Variants in MAN2B1 observed in about 807,000 individuals in gnomAD.
MAN2B1 encodes the protein lysosomal alpha-mannosidase.
MAN2B1 carries 99 observed loss-of-function variants against 127.5 expected under a neutral mutation model. That is an observed-to-expected ratio of 0.78 (90% CI 0.66 to 0.92). The LOEUF is 0.92. Among genes scored for constraint, MAN2B1 ranks in the 40% least tolerant of loss-of-function variants. MAN2B1 has a pLI of 0.00. For missense variants in MAN2B1, 1,304 were observed against 1,384.8 expected (o/e 0.94, Z 0.93); for synonymous variants, 573 against 568.8 (o/e 1.01, Z -0.11).
chr19:12,652,514 CTT>C, intron 14 of MAN2B1, 54 bp from the exon 15 acceptor site: 1 of 1,166,590 alleles, frequency 8.6e-7, no homozygotes, highest in Non-Finnish European at 1.3e-6. Flanking sequence ...TGTGTGTTTT[CTT>C]TTTTTAATTT....
At chr19:12,663,490 G>T (rs775917208) in intron 5 of MAN2B1, 28 bp from the exon 6 acceptor site, 20 of 1,611,970 alleles carry the variant, frequency 1.2e-5, no homozygotes, top group Non-Finnish European at 1.6e-5. Context: ...TTCAAGGGGT[G>T]GCCCATCACC....
At position 12,658,423 on chromosome 19, in the gene MAN2B1, A is replaced by C. The variant is rs2024027111; in HGVS notation, c.1109+5T>G. The C allele has an allele frequency of 1.9e-6, 3 of 1,614,194 alleles. No individual in the cohort carries two copies. The African/African-American group carries it at 4.0e-5, about 22-fold the overall frequency. On this transcript the variant is annotated splice_donor_5th_base_variant and intron_variant, in intron 8 of 23. Transcript: ENST00000456935. ...CCCCCCAAGCTCCCCAGTTTCCCCA[A>C]ATACCAGGTGAGGTTGGCCTTGTTC...
chr19:12,661,246 G>A lies in MAN2B1; in HGVS notation c.1026+14C>T, dbSNP rs2024095463. The A allele has an allele frequency of 1.3e-6, 2 of 1,575,998 alleles. No individual in the cohort carries two copies. Among genetic ancestry groups the A allele is most frequent in the Non-Finnish European group, 1.7e-6 (2 of 1,145,510 alleles). On this transcript the variant is annotated intron_variant, in intron 7 of 23. Coordinates refer to ENST00000456935, the MANE Select transcript of MAN2B1 (RefSeq NM_000528.4). Reference sequence around the variant, plus strand: ...CACATGTGCACAAGGGTACCACAGGGTAGGCGCACTGACCTGCGCATTTAC... The same window carrying A: ...CACATGTGCACAAGGGTACCACAGGATAGGCGCACTGACCTGCGCATTTAC...
At chr19:12,652,088 C>T in intron 16 of MAN2B1, 65 bp downstream of exon 16, 3 of 1,269,620 alleles carry the variant, frequency 2.4e-6, no homozygotes, top group South Asian at 2.4e-5. Context: ...ACATGGCCCA[C>T]CACCCTCTTG....
chr19:12,665,730 T>G lies in MAN2B1; in HGVS notation c.235A>C (p.Lys79Gln). ...CCATAAAAGTACTGGTCCACGGTTTTGAGCCAGCCCACGTCATCATGTGTG... is the reference window on the plus strand; with the variant it reads ...CCATAAAAGTACTGGTCCACGGTTTGGAGCCAGCCCACGTCATCATGTGTG... ...PHTHDDVGWL[K>Q]TVDQYFYGIK... Residue 79 changes from lysine (K) to glutamine (Q), a missense_variant, in exon 2 of 24, where the codon AAA becomes CAA. Lys to Gln is a moderately conservative substitution (Grantham distance 53). Transcript: ENST00000456935. The G allele has an allele frequency of 6.2e-7, 1 of 1,614,182 alleles. No homozygotes were observed. The highest frequency in any genetic ancestry group is 8.5e-7 in the Non-Finnish European group (1 of 1,180,034).
At chr19:12,658,878 A>G (rs556376543) in intron 7 of MAN2B1, 21 of 342,656 alleles carry the variant, frequency 6.1e-5, no homozygotes, top group Middle Eastern at 2.1e-3. Flanking sequence ...TTTTTTTGGG[A>G]CGGAGTCTTA....
chr19:12,648,280 G>C lies in MAN2B1; in HGVS notation c.2559C>G (p.Ala853=), dbSNP rs1231981026. The change falls in exon 21 of 24, where the codon GCC becomes GCG. Residue 853 remains alanine (A), a synonymous_variant. Coordinates refer to ENST00000456935, the MANE Select transcript of MAN2B1 (RefSeq NM_000528.4). ...GCTCCGCCAGGAGCCGGTGTCCGGC[G>C]GCTGCAGCCTGGGCTGTGTCCAGCA... ...LVLLDTAQAA[A]AGHRLLAEQE... is the part of the protein sequence containing the mutation. 8 of 1,610,420 alleles carry C rather than the reference G, an allele frequency of 5.0e-6. No homozygotes were observed. Among genetic ancestry groups the C allele is most frequent in the South Asian group, 3.3e-5 (3 of 90,930 alleles).
At chr19:12,660,957 C>T (rs1599354560) in intron 7 of MAN2B1, 2 of 358,338 alleles carry the variant, frequency 5.6e-6, no homozygotes, top group East Asian at 7.1e-5. Context: ...CAGCGTTTCA[C>T]CATGTTGGTC....
chr19:12,648,430 G>A, intron 20 of MAN2B1, 28 bp from the exon 21 acceptor site: 1 of 1,572,370 alleles, frequency 6.4e-7, no homozygotes, highest in Non-Finnish European at 8.7e-7. Flanking sequence ...AGGAGGGGGT[G>A]AGAGTCGTGG....
chr19:12,651,823 C>G (rs556264701), intron 16 of MAN2B1, among the ~76,000 whole-genome samples: 1 of 152,296 alleles, frequency 6.6e-6, no homozygotes, highest in East Asian at 1.9e-4. Context: ...GTGAATTCTT[C>G]AAGCAGTGAT....
chr19:12,656,256 G>A (rs2023953356), intron 13 of MAN2B1: 1 of 460,398 alleles, frequency 2.2e-6, no homozygotes, highest in African/African-American at 2.0e-5. Context: ...GGACCAGCCA[G>A]GCACGGTGGC....
Position 12,663,689 on chromosome 19 carries a change from A to G in MAN2B1, c.763+14T>C. ...TGGCACCATGGCTGGCCCTGCCCTC[A>G]CCAAGCCCCCTACCAGTGAAGAGGT... On this transcript the variant is annotated intron_variant, in intron 5 of 23. Coordinates refer to ENST00000456935, the MANE Select transcript of MAN2B1 (RefSeq NM_000528.4). 1 of 1,603,318 alleles carries G rather than the reference A, an allele frequency of 6.2e-7. No individual in the cohort carries two copies. The highest frequency in any genetic ancestry group is 1.1e-5 in the South Asian group (1 of 90,168).
chr19:12,648,376 A>G lies in MAN2B1; in HGVS notation c.2463T>C (p.Asp821=). 6.2e-7 allele frequency: 1 copy of G among 1,613,132 alleles called. No individual in the cohort carries two copies. The highest frequency in any genetic ancestry group is 1.7e-5 in the Admixed American group (1 of 59,988). Residue 821 remains aspartate (D), a synonymous_variant, in exon 21 of 24, where the codon GAT becomes GAC. Coordinates refer to ENST00000456935, the MANE Select transcript of MAN2B1 (RefSeq NM_000528.4). ...TTAGTGGCTCCGATACTCCGCGTCC[A>G]TCGTCCTTCAGCAGCCTTCGGTGCA... is the stretch of plus-strand genomic sequence containing the variant. ...LMVHRRLLKD[D]GRGVSEPLME...
intron 3 of MAN2B1, 153 bp from the exon 4 acceptor site, chr19:12,665,138 A>C (rs1444246350): frequency 2.0e-6 from 2 of 1,024,030 alleles, no homozygotes; most frequent in African/African-American, 1.6e-5. Flanking sequence ...CAGATATGGG[A>C]AAGAGGCCCC....
rs985719702 is a variant in MAN2B1 at position 12,660,497 on chromosome 19, G to A, written c.1026+763C>T. On this transcript the variant is annotated intron_variant, in intron 7 of 23. Coordinates refer to ENST00000456935, the MANE Select transcript of MAN2B1 (RefSeq NM_000528.4). ...AGCCTGGGCGACAGAGCGAGACTCC[G>A]TCTCTAAGTAAATAAATAAAATGTG... 1.3e-4 allele frequency among the ~76,000 whole-genome samples: 20 copies of A among 152,196 alleles called. No homozygotes were observed. The South Asian group carries it at 1.5e-3, about 11-fold the overall frequency.
intron 14 of MAN2B1, among the ~76,000 whole-genome samples, chr19:12,655,443 C>G (rs1436567719): frequency 6.6e-6 from 1 of 152,184 alleles, no homozygotes; most frequent in Admixed American, 6.6e-5. Context: ...GCCAAAATTG[C>G]GAACCACCAC....
chr19:12,655,924 A>C (rs745594759), intron 13 of MAN2B1, 45 bp from the exon 14 acceptor site: 2 of 1,540,466 alleles, frequency 1.3e-6, no homozygotes, highest in East Asian at 4.5e-5. Context: ...TACCCATGGA[A>C]AGCTATACAT....
intron 4 of MAN2B1, among the ~76,000 whole-genome samples, chr19:12,664,514 G>A (rs1343071806): frequency 6.6e-6 from 1 of 152,210 alleles, no homozygotes; most frequent in Non-Finnish European, 1.5e-5. Context: ...GGAGGAGCCA[G>A]GACCCGAGCT....
At chr19:12,656,845 G>T in intron 12 of MAN2B1, 104 bp downstream of exon 12, 3 of 1,109,984 alleles carry the variant, frequency 2.7e-6, no homozygotes, top group South Asian at 1.2e-5. Flanking sequence ...ACCCAGCTTC[G>T]CAGCCCACGT....
Sources: gnomAD v4.1 joint callset for allele counts (sites outside exome capture counted in the v4.1 genomes callset) on GRCh38, gnomAD v4.1.1 for gene constraint, MANE v1.5 for transcripts, NCBI Gene and HGNC (gene_info 2026-07-23, HGNC 2026-07-21) for gene names.